The following COL23A1 variants were observed in gnomAD, a reference collection of about 807,000 sequenced individuals.
The protein encoded by COL23A1 is collagen type XXIII alpha 1 chain.
Under a neutral mutation model 99.3 loss-of-function variants are expected in COL23A1, and 97 were observed. That is an observed-to-expected ratio of 0.98 (90% CI 0.83 to 1.16). The LOEUF is 1.16. Among genes scored for constraint, COL23A1 ranks in the 50% most tolerant of loss-of-function variants. The pLI is 0.00. For missense variants in COL23A1, 762 were observed against 757.4 expected, an observed-to-expected ratio of 1.01 and a Z score of -0.07; for synonymous variants, 320 against 308.2, an observed-to-expected ratio of 1.04 and a Z score of -0.40.
At chr5:178,573,307 C>T (rs904172568) in intron 1 of COL23A1, among the ~76,000 whole-genome samples, 7 of 152,232 alleles carry the variant, frequency 4.6e-5, no homozygotes, top group Non-Finnish European at 7.3e-5. Flanking sequence ...GAAGGCATCA[C>T]ACTGAGCCTC....
chr5:178,391,465 A>C (rs1011705582), intron 2 of COL23A1, among the ~76,000 whole-genome samples: 1 of 152,254 alleles, frequency 6.6e-6, no homozygotes, highest in Non-Finnish European at 1.5e-5. Context: ...ATAGTTACTA[A>C]GCACATGAAG....
intron 2 of COL23A1, among the ~76,000 whole-genome samples, chr5:178,422,299 G>A (rs17081208): frequency 0.074 from 11,263 of 152,108 alleles, 924 homozygotes; most frequent in African/African-American, 0.19. Flanking sequence ...GTTCTTGCCC[G>A]AATCCTGACA....
At chr5:178,242,195 C>A (rs76701596) in intron 26 of COL23A1, 67 bp from the exon 27 acceptor site, 7 of 1,485,312 alleles carry the variant, frequency 4.7e-6, no homozygotes, top group Admixed American at 2.0e-5. Flanking sequence ...AACATCTCTC[C>A]GAGAGAAGCG....
intron 2 of COL23A1, among the ~76,000 whole-genome samples, chr5:178,419,204 T>C (rs1424187202): frequency 6.6e-6 from 1 of 152,162 alleles, no homozygotes. Flanking sequence ...TGTCCCTCAG[T>C]CCCTAGAGCC....
At chr5:178,246,556 C>A in intron 22 of COL23A1, 103 bp from the exon 23 acceptor site, 1 of 1,177,324 alleles carries the variant, frequency 8.5e-7, no homozygotes. Flanking sequence ...GACAGAGGAA[C>A]AGATCGAGGC....
chr5:178,401,599 T>C (rs547790571), intron 2 of COL23A1, among the ~76,000 whole-genome samples: 3 of 152,366 alleles, frequency 2.0e-5, no homozygotes, highest in Admixed American at 2.0e-4. Flanking sequence ...TGGGTAATTA[T>C]GAATAATGCC....
chr5:178,498,210 A>AG, intron 2 of COL23A1, among the ~76,000 whole-genome samples: 1 of 16,504 alleles, frequency 6.1e-5, no homozygotes. Context: ...ATTTAAATAT[A>AG]TATATATATA....
In COL23A1 at chr5:178,525,005, G is replaced by T. The variant is rs1449264426; in HGVS notation, c.361+35677C>A. On this transcript the variant is annotated intron_variant, in intron 2 of 28. Transcript: ENST00000390654. ...ATGAAGAAAGAAACTAGGGCAACAA[G>T]AGGTTAAATAACTCGGCTAAGCTCA... Among the ~76,000 whole-genome samples, 8 of 152,376 alleles carry T rather than the reference G, an allele frequency of 5.3e-5. 1 individual carries two copies. Among genetic ancestry groups the T allele is most frequent in the Admixed American group, 1.3e-4 (2 of 15,310 alleles).
intron 8 of COL23A1, among the ~76,000 whole-genome samples, chr5:178,266,629 TTGAC>T (rs1755919237): frequency 6.6e-6 from 1 of 152,174 alleles, no homozygotes; most frequent in Admixed American, 6.5e-5. Context: ...CGCCCTTTCT[TTGAC>T]TGCAGAACAA....
chr5:178,383,303 G>T (rs1763482191), intron 2 of COL23A1, among the ~76,000 whole-genome samples: 1 of 152,178 alleles, frequency 6.6e-6, no homozygotes, highest in South Asian at 2.1e-4. Flanking sequence ...CGCAGAGATG[G>T]CCTGCCTTAT....
intron 2 of COL23A1, among the ~76,000 whole-genome samples, chr5:178,497,283 C>T (rs1435970841): frequency 1.3e-5 from 2 of 152,174 alleles, no homozygotes; most frequent in African/African-American, 4.8e-5. Context: ...CACAGAGCCT[C>T]AAGTCAACAG....
chr5:178,435,161 T>C (rs1188526783), intron 2 of COL23A1, among the ~76,000 whole-genome samples: 1 of 152,230 alleles, frequency 6.6e-6, no homozygotes, highest in African/African-American at 2.4e-5. Flanking sequence ...TAAAGTAACC[T>C]TTCTGTTTCT....
chr5:178,441,570 G>A (rs1004174857), intron 2 of COL23A1, among the ~76,000 whole-genome samples: 11 of 152,022 alleles, frequency 7.2e-5, no homozygotes, highest in Non-Finnish European at 1.5e-4. Flanking sequence ...GACAGAGATG[G>A]GGGGATGCGG....
At chr5:178,490,942 G>C (rs575814205) in intron 2 of COL23A1, among the ~76,000 whole-genome samples, 1 of 152,108 alleles carries the variant, frequency 6.6e-6, no homozygotes, top group African/African-American at 2.4e-5. Flanking sequence ...CTATCTTCAG[G>C]GAAAAGTTAT....
intron 2 of COL23A1, among the ~76,000 whole-genome samples, chr5:178,317,147 AGAGTTTGTGATATTCTCTCTGC>A (rs1759025312): frequency 6.6e-6 from 1 of 152,204 alleles, no homozygotes; most frequent in South Asian, 2.1e-4. Context: ...TCCACATGCT[AGAGTTTGTGATATTCTCTCTGC>A]CTGCTTCCCC....
At chr5:178,335,280 G>C (rs531255851) in intron 2 of COL23A1, among the ~76,000 whole-genome samples, 5 of 152,336 alleles carry the variant, frequency 3.3e-5, no homozygotes, top group African/African-American at 1.2e-4. Context: ...AATAATTTTG[G>C]AGTGGATAAC....
chr5:178,314,226 CG>C (rs1561853186), intron 2 of COL23A1, among the ~76,000 whole-genome samples: 1 of 92,126 alleles, frequency 1.1e-5, no homozygotes, highest in African/African-American at 3.4e-5. Context: ...AAGCTGCTTA[CG>C]TCCCCCCCAG....
chr5:178,498,992 A>G (rs1342826891), intron 2 of COL23A1, among the ~76,000 whole-genome samples: 1 of 152,070 alleles, frequency 6.6e-6, no homozygotes, highest in Non-Finnish European at 1.5e-5. Flanking sequence ...CAGGAGGATG[A>G]GGCAGGAGAA....
At chr5:178,552,899 A>AGACG (rs1357116642) in intron 2 of COL23A1, among the ~76,000 whole-genome samples, 4 of 151,756 alleles carry the variant, frequency 2.6e-5, no homozygotes, top group Non-Finnish European at 4.4e-5. Flanking sequence ...TTTTTAGTAG[A>AGACG]GGATTTCACC....
Sources: gnomAD v4.1 joint callset for allele counts (sites outside exome capture counted in the v4.1 genomes callset) on GRCh38, gnomAD v4.1.1 for gene constraint, MANE v1.5 for transcripts, NCBI Gene and HGNC (gene_info 2026-07-23, HGNC 2026-07-21) for gene names.